Variants in GABRA4 observed in about 807,000 individuals in gnomAD.
The protein encoded by GABRA4 is gamma-aminobutyric acid receptor subunit alpha-4.
Under a neutral mutation model 49.7 loss-of-function variants are expected in GABRA4, and 12 were observed. The observed-to-expected ratio is 0.24, with a 90% CI of 0.15 to 0.39. GABRA4 has a LOEUF of 0.39. GABRA4 is among the 10% of genes least tolerant of loss of function. The pLI, the probability that GABRA4 is intolerant of heterozygous loss-of-function variation, is 1.00. For synonymous variants in GABRA4, 288 were observed against 240.2 expected (o/e 1.20, Z -1.84); for missense variants, 506 against 686.0 (o/e 0.74, Z 2.93).
chr4:46,939,470 G>A (rs1721717912), intron 8 of GABRA4, among the ~76,000 whole-genome samples: 1 of 151,836 alleles, frequency 6.6e-6, no homozygotes, highest in South Asian at 2.1e-4. Flanking sequence ...CCCAATGAGG[G>A]CACTGAAACC....
chr4:46,974,807 C>T (rs774399860), intron 5 of GABRA4, among the ~76,000 whole-genome samples: 9 of 151,878 alleles, frequency 5.9e-5, no homozygotes, highest in Non-Finnish European at 1.3e-4. Flanking sequence ...AGAAATGCTG[C>T]CTGTAATAAT....
At chr4:46,963,721 C>G (rs1460352173) in intron 8 of GABRA4, among the ~76,000 whole-genome samples, 3 of 151,748 alleles carry the variant, frequency 2.0e-5, no homozygotes, top group Non-Finnish European at 4.4e-5. Flanking sequence ...CATCACTGAT[C>G]ATCAGAGAAA....
chr4:46,932,494 A>C (rs569911955), intron 8 of GABRA4, among the ~76,000 whole-genome samples: 5 of 152,266 alleles, frequency 3.3e-5, no homozygotes, highest in Non-Finnish European at 7.4e-5. Flanking sequence ...AAAATTATAC[A>C]AGACTTGGAC....
chr4:46,928,980 C>T (rs1044670984), intron 8 of GABRA4, among the ~76,000 whole-genome samples: 37 of 152,022 alleles, frequency 2.4e-4, no homozygotes, highest in Middle Eastern at 6.8e-3. Flanking sequence ...AAATATGGTA[C>T]ATTCTTATAA....
At chr4:46,944,084 T>C (rs1721903970) in intron 8 of GABRA4, among the ~76,000 whole-genome samples, 1 of 152,078 alleles carries the variant, frequency 6.6e-6, no homozygotes, top group African/African-American at 2.4e-5. Flanking sequence ...CGGTTAATCA[T>C]ACTGTATTGT....
At chr4:46,959,818 G>GTATATATA (rs34315359) in intron 8 of GABRA4, among the ~76,000 whole-genome samples, 6 of 138,160 alleles carry the variant, frequency 4.3e-5, no homozygotes, top group Non-Finnish European at 7.7e-5. Context: ...CAAAAATTAT[G>GTATATATA]TATATATATA....
intron 4 of GABRA4, 123 bp from the exon 5 acceptor site, chr4:46,977,266 A>G (rs571784382): frequency 3.0e-5 from 13 of 430,948 alleles, no homozygotes; most frequent in African/African-American, 2.7e-4. Context: ...AAAAGGAAGG[A>G]AGGAAGGGAA....
At position 46,921,172 on chromosome 4, in the gene GABRA4, G is replaced by T. The variant is rs1230396003; in HGVS notation, c.*7053C>A. The T allele has an allele frequency of 6.6e-6, 1 of 151,106 alleles. No homozygotes were observed. The highest frequency in any genetic ancestry group is 6.6e-5 in the Admixed American group (1 of 15,134). The allele number at this position is 151,106 out of a possible 1,614,324, so 9.4% of individuals were successfully genotyped here. Reference sequence around the variant, plus strand: ...CGGAAGTAATTAGTGGTAGAGAAAAGCTATTAAGAAACCATAGCATTTAAA... The same window carrying T: ...CGGAAGTAATTAGTGGTAGAGAAAATCTATTAAGAAACCATAGCATTTAAA... On this transcript the variant is annotated 3_prime_UTR_variant, in exon 9 of 9. Coordinates refer to ENST00000264318, the MANE Select transcript of GABRA4 (RefSeq NM_000809.4).
chr4:46,962,143 C>T (rs566164745), intron 8 of GABRA4, among the ~76,000 whole-genome samples: 1 of 151,820 alleles, frequency 6.6e-6, no homozygotes, highest in Non-Finnish European at 1.5e-5. Context: ...CTTTAATACA[C>T]AGGCACAGGC....
intron 8 of GABRA4, among the ~76,000 whole-genome samples, chr4:46,934,566 A>G (rs897392151): frequency 1.3e-5 from 2 of 152,202 alleles, no homozygotes; most frequent in Non-Finnish European, 2.9e-5. Flanking sequence ...CAATGTTTGT[A>G]TTTCCATAAG....
intron 8 of GABRA4, among the ~76,000 whole-genome samples, chr4:46,958,679 G>T (rs2109366269): frequency 6.6e-6 from 1 of 151,960 alleles, no homozygotes; most frequent in African/African-American, 2.4e-5. Flanking sequence ...ACATACTCAA[G>T]CTACCCATAG....
rs3046817 is a variant in GABRA4 at position 46,957,281 on chromosome 4, C to CAAA, written c.1134+7686_1134+7688dup. On this transcript the variant is annotated intron_variant, in intron 8 of 8. Coordinates refer to ENST00000264318, the MANE Select transcript of GABRA4 (RefSeq NM_000809.4). Reference sequence around the variant, plus strand: ...ACAGTTTGACTTTGAAGGATAAATACAAAAAAAATTATCATAAGAGTACTT... The same window carrying CAAA: ...ACAGTTTGACTTTGAAGGATAAATACAAAAAAAAAAATTATCATAAGAGTACTT... 1.1e-3 allele frequency among the ~76,000 whole-genome samples: 172 copies of CAAA among 151,456 alleles called. 1 individual carries two copies. Among genetic ancestry groups the CAAA allele is most frequent in the African/African-American group, 2.9e-3 (119 of 41,360 alleles).
At chr4:46,958,605 T>C (rs1183786104) in intron 8 of GABRA4, among the ~76,000 whole-genome samples, 1 of 151,772 alleles carries the variant, frequency 6.6e-6, no homozygotes, top group Non-Finnish European at 1.5e-5. Flanking sequence ...CAGGGACAAA[T>C]GCAGCATCAA....
chr4:46,981,388 C>G (rs1383712405), intron 2 of GABRA4, among the ~76,000 whole-genome samples: 1 of 152,048 alleles, frequency 6.6e-6, no homozygotes, highest in Non-Finnish European at 1.5e-5. Flanking sequence ...GCATAACATG[C>G]TACTTTCTCA....
intron 5 of GABRA4, among the ~76,000 whole-genome samples, chr4:46,975,715 T>C (rs1243426218): frequency 6.6e-6 from 1 of 151,946 alleles, no homozygotes; most frequent in Non-Finnish European, 1.5e-5. Flanking sequence ...TTCTGAGAAC[T>C]AGAGGTTGGG....
intron 8 of GABRA4, among the ~76,000 whole-genome samples, chr4:46,947,086 G>T (rs1722008606): frequency 6.6e-6 from 1 of 151,404 alleles, no homozygotes; most frequent in South Asian, 2.1e-4. Context: ...AACATAGATT[G>T]CCAAATTGCA....
intron 8 of GABRA4, among the ~76,000 whole-genome samples, chr4:46,959,989 A>G (rs958933947): frequency 2.0e-5 from 3 of 151,340 alleles, no homozygotes; most frequent in Non-Finnish European, 4.4e-5. Context: ...ACAAATTGAA[A>G]TACATTGTTT....
chr4:46,989,444 A>G (rs1171361525), intron 2 of GABRA4, among the ~76,000 whole-genome samples: 1 of 152,160 alleles, frequency 6.6e-6, no homozygotes, highest in African/African-American at 2.4e-5. Flanking sequence ...GAAGTCGGAA[A>G]CCAGCTTCTG....
At chr4:46,986,516 C>A (rs750024832) in intron 2 of GABRA4, among the ~76,000 whole-genome samples, 1 of 151,994 alleles carries the variant, frequency 6.6e-6, no homozygotes, top group Non-Finnish European at 1.5e-5. Context: ...CCTTTTAAGT[C>A]TTCTTGGGAC....
Sources: allele counts gnomAD v4.1 joint callset (sites outside exome capture counted in the v4.1 genomes callset), GRCh38; gene constraint gnomAD v4.1.1; transcripts MANE v1.5; gene names NCBI Gene and HGNC (gene_info 2026-07-23, HGNC 2026-07-21).